The following AP1AR variants were observed in gnomAD, a reference collection of about 807,000 sequenced individuals.
AP1AR encodes AP-1 complex-associated regulatory protein.
In AP1AR, 29 loss-of-function variants were observed where a neutral mutation model predicts 46.3. The ratio of observed to expected loss-of-function variants is 0.63; its 90% CI spans 0.47 to 0.85. The LOEUF (loss-of-function observed/expected upper bound fraction) is 0.85. AP1AR is among the 40% of genes least tolerant of loss of function. The pLI is 0.00. For synonymous variants in AP1AR, 122 were observed against 122.9 expected, an observed-to-expected ratio of 0.99 and a Z score of 0.05; for missense variants, 357 against 356.3, an observed-to-expected ratio of 1.00 and a Z score of -0.02.
At chr4:112,243,265 T>C (rs529290489) in intron 1 of AP1AR, among the ~76,000 whole-genome samples, 9 of 152,362 alleles carry the variant, frequency 5.9e-5, no homozygotes, top group Admixed American at 1.3e-4. Context: ...TTAAGTCTTA[T>C]GTCTTGGATT....
intron 5 of AP1AR, 111 bp downstream of exon 5, chr4:112,260,973 A>G (rs1726417956): frequency 1.8e-6 from 1 of 555,698 alleles, no homozygotes. Flanking sequence ...ATACAGATGA[A>G]TCTGTTTTAA....
chr4:112,264,751 TA>T (rs935476975), intron 6 of AP1AR, among the ~76,000 whole-genome samples: 1 of 151,906 alleles, frequency 6.6e-6, no homozygotes, highest in Admixed American at 6.6e-5. Context: ...ACATATCTGT[TA>T]AAAAAAAGTT....
intron 1 of AP1AR, among the ~76,000 whole-genome samples, chr4:112,252,069 C>T (rs573593659): frequency 3.9e-5 from 6 of 152,134 alleles, no homozygotes; most frequent in South Asian, 2.1e-4. Context: ...ATTGAGACCT[C>T]GTCTCTACAA....
Position 112,268,512 on chromosome 4 carries a change from AG to A in AP1AR, c.*104del, listed in dbSNP as rs1560615754. On this transcript the variant is annotated 3_prime_UTR_variant, in exon 10 of 10. Transcript: ENST00000274000. ...AGCCTTTTTGTAAGGGAGATGTGTA[AG>A]AAACCATGTTGTAAATGCTTATTTT... The A allele has an allele frequency of 8.5e-7, 1 of 1,176,996 alleles. No homozygotes were observed. Among genetic ancestry groups the A allele is most frequent in the African/African-American group, 1.6e-5 (1 of 64,126 alleles). 72.9% of individuals were successfully genotyped at this position (1,176,996 alleles called of 1,614,324 possible). A position where few individuals can be genotyped will look rare whatever the true frequency, so the allele number is the denominator to read the frequency against.
intron 9 of AP1AR, among the ~76,000 whole-genome samples, 153 bp from the exon 10 acceptor site, chr4:112,267,991 C>A (rs1020235908): frequency 1.3e-5 from 2 of 151,936 alleles, no homozygotes; most frequent in Non-Finnish European, 2.9e-5. Flanking sequence ...CCAACAATTT[C>A]CCTTAAGAAG....
intron 3 of AP1AR, among the ~76,000 whole-genome samples, chr4:112,255,104 C>T (rs1381098086): frequency 3.3e-5 from 5 of 151,704 alleles, no homozygotes; most frequent in Non-Finnish European, 5.9e-5. Flanking sequence ...GGACTACAGG[C>T]GCCCGCCACT....
chr4:112,249,507 A>T (rs1725862028), intron 1 of AP1AR, among the ~76,000 whole-genome samples: 1 of 151,764 alleles, frequency 6.6e-6, no homozygotes, highest in Non-Finnish European at 1.5e-5. Context: ...AATTACAAAA[A>T]TTAGCCGGGT....
intron 1 of AP1AR, among the ~76,000 whole-genome samples, chr4:112,238,002 C>T (rs1362837492): frequency 6.6e-6 from 1 of 152,250 alleles, no homozygotes; most frequent in East Asian, 1.9e-4. Context: ...AACTACTGAA[C>T]TTGCCTGTTT....
At chr4:112,265,284 G>T in intron 7 of AP1AR, 1 of 437,392 alleles carries the variant, frequency 2.3e-6, no homozygotes. Context: ...TTTTAAGAGT[G>T]GTCTCATTTC....
In AP1AR at chr4:112,268,129, CTG is replaced by C. The variant is rs1726782125; in HGVS notation, c.644-13_644-12del. On this transcript the variant is annotated splice_polypyrimidine_tract_variant and intron_variant, in intron 9 of 9. Transcript: ENST00000274000. The stretch of plus-strand genomic sequence containing the variant: ...ATCTGTTCTGAGATTTTTGAAAACT[CTG>C]TTCAAATCATAGGAATGAATAGAAT... 2 of 1,509,368 alleles carry C rather than the reference CTG, an allele frequency of 1.3e-6. No homozygotes were observed. Among genetic ancestry groups the C allele is most frequent in the Non-Finnish European group, 1.8e-6 (2 of 1,131,156 alleles). 93.5% of individuals were successfully genotyped at this position (1,509,368 alleles called of 1,614,324 possible). A position where few individuals can be genotyped will look rare whatever the true frequency, so the allele number is the denominator to read the frequency against.
At chr4:112,255,331 A>C (rs1176968989) in intron 3 of AP1AR, among the ~76,000 whole-genome samples, 1 of 152,226 alleles carries the variant, frequency 6.6e-6, no homozygotes, top group Non-Finnish European at 1.5e-5. Flanking sequence ...ACAGAAACCC[A>C]AGGAACTTCA....
Position 112,265,153 on chromosome 4 carries a change from A to G in AP1AR, c.440+86A>G, listed in dbSNP as rs79411041. On this transcript the variant is annotated intron_variant, in intron 7 of 9. Coordinates refer to ENST00000274000, the MANE Select transcript of AP1AR (RefSeq NM_018569.6). ...GCATCATTCACCTCAAGATGTGTAT[A>G]TACGCATTCATGTTTATGTGTTCCC... 108 of 963,114 alleles carry G rather than the reference A, an allele frequency of 1.1e-4. No homozygotes were observed. In the East Asian group the frequency reaches 2.6e-3, roughly 23 times the overall value. The allele number at this position is 963,114 out of a possible 1,614,324, so 59.7% of individuals were successfully genotyped here.
At chr4:112,233,635 A>G (rs557698877) in intron 1 of AP1AR, among the ~76,000 whole-genome samples, 4 of 152,236 alleles carry the variant, frequency 2.6e-5, no homozygotes, top group Admixed American at 6.5e-5. Context: ...CTAAATGGAT[A>G]AGCAAAAAAC....
At chr4:112,253,113 A>G (rs895866337) in intron 1 of AP1AR, 95 bp from the exon 2 acceptor site, 2 of 860,902 alleles carry the variant, frequency 2.3e-6, no homozygotes, top group African/African-American at 3.5e-5. Flanking sequence ...GAGATTTTAA[A>G]GTTGCTCTTG....
intron 1 of AP1AR, among the ~76,000 whole-genome samples, chr4:112,246,616 A>C (rs1393444285): frequency 1.3e-5 from 2 of 152,222 alleles, no homozygotes; most frequent in Non-Finnish European, 2.9e-5. Context: ...ACCAAGGTAA[A>C]TTTAATAATT....
At chr4:112,233,451 T>C (rs1725106696) in intron 1 of AP1AR, among the ~76,000 whole-genome samples, 1 of 152,254 alleles carries the variant, frequency 6.6e-6, no homozygotes, top group Non-Finnish European at 1.5e-5. Context: ...CTGGTTTAAG[T>C]ATTTATAATT....
Position 112,254,766 on chromosome 4 carries a change from G to A in AP1AR, c.152G>A (p.Ser51Asn), listed in dbSNP as rs766363734. 2 of 1,501,128 alleles carry A rather than the reference G, an allele frequency of 1.3e-6. No individual in the cohort carries two copies. Among genetic ancestry groups the A allele is most frequent in the South Asian group, 1.3e-5 (1 of 75,874 alleles). 93.0% of individuals were successfully genotyped at this position (1,501,128 alleles called of 1,614,324 possible). Residue 51 changes from serine to asparagine, a missense_variant, in exon 3 of 10, where the codon AGT becomes AAT. Ser to Asn is a conservative substitution (Grantham distance 46). Coordinates refer to ENST00000274000, the MANE Select transcript of AP1AR (RefSeq NM_018569.6). ...LTIEFENLVE[S>N]DEGESPGSSH... ...TTTCAGTTTGAGAATCTAGTAGAAAGTGATGAAGTAAGTATTTCCATAATA... is the reference window on the plus strand; with the variant it reads ...TTTCAGTTTGAGAATCTAGTAGAAAATGATGAAGTAAGTATTTCCATAATA...
At chr4:112,255,489 T>C (rs11945060) in intron 3 of AP1AR, among the ~76,000 whole-genome samples, 94,471 of 152,062 alleles carry the variant, frequency 0.62, 31,099 homozygotes, top group African/African-American at 0.84. Flanking sequence ...AGGCTGGACT[T>C]AAACTCCTCG....
chr4:112,263,306 C>G (rs1268978462), intron 6 of AP1AR, among the ~76,000 whole-genome samples: 1 of 152,114 alleles, frequency 6.6e-6, no homozygotes, highest in East Asian at 1.9e-4. Flanking sequence ...TGCTATTTAG[C>G]TTTAGATTAG....
Sources: allele counts gnomAD v4.1 joint callset (sites outside exome capture counted in the v4.1 genomes callset), GRCh38; gene constraint gnomAD v4.1.1; transcripts MANE v1.5; gene names NCBI Gene and HGNC (gene_info 2026-07-23, HGNC 2026-07-21).